DDX11: variants seen among roughly 807,000 people sequenced by gnomAD.
The protein encoded by DDX11 is DEAD/H-box helicase 11.
A neutral mutation model predicts 125.2 loss-of-function variants in DDX11; 72 were observed. The observed-to-expected ratio is 0.58, with a 90% CI of 0.48 to 0.70. The LOEUF is 0.70. Among genes scored for constraint, DDX11 ranks in the 30% least tolerant of loss-of-function variants. The pLI, the probability that DDX11 is intolerant of heterozygous loss-of-function variation, is 0.00. For missense variants in DDX11, 883 were observed against 1,165.0 expected (o/e 0.76, Z 3.52); for synonymous variants, 347 against 452.6 (o/e 0.77, Z 2.96).
intron 15 of DDX11, 120 bp from the exon 16 acceptor site, chr12:31,096,517 G>A (rs1945269564): frequency 9.4e-6 from 15 of 1,591,118 alleles, no homozygotes; most frequent in Non-Finnish European, 1.3e-5. Context: ...AGTGGGCCTT[G>A]CTGGGGTGGT....
At chr12:31,081,508 T>TCCGGGTGCCTTGGTGTGTGCTGTGCTGTG in intron 2 of DDX11, among the ~76,000 whole-genome samples, 1 of 151,888 alleles carries the variant, frequency 6.6e-6, no homozygotes, top group Non-Finnish European at 1.5e-5. Context: ...CCTTGTGTAA[T>TCCGGGTGCCTTGGTGTGTGCTGTGCTGTG]ACTGCAGTTC....
At chr12:31,096,609 C>T in intron 15 of DDX11, 28 bp from the exon 16 acceptor site, 1 of 1,611,754 alleles carries the variant, frequency 6.2e-7, no homozygotes, top group Non-Finnish European at 8.5e-7. Context: ...CCTCGTTCCT[C>T]TCCACTGCTC....
chr12:31,102,903 T>TCC, intron 23 of DDX11, 33 bp from the exon 24 acceptor site: 1 of 1,609,736 alleles, frequency 6.2e-7, no homozygotes. Context: ...GGTCCTGACG[T>TCC]CCACCTGCTG....
chr12:31,084,913 TG>T (rs1327841069), intron 4 of DDX11, 55 bp from the exon 5 acceptor site: 47 of 1,553,832 alleles, frequency 3.0e-5, no homozygotes, highest in Middle Eastern at 3.4e-4. Flanking sequence ...TGTGGGGAGG[TG>T]GGTACTGGTG....
intron 2 of DDX11, among the ~76,000 whole-genome samples, chr12:31,083,319 A>AAG (rs1942365643): frequency 6.8e-6 from 1 of 147,032 alleles, no homozygotes; most frequent in African/African-American, 2.5e-5. Flanking sequence ...GCTTAAAAAA[A>AAG]AAAAAACAAA....
chr12:31,087,281 C>T (rs1396140888), intron 5 of DDX11, among the ~76,000 whole-genome samples: 2 of 150,644 alleles, frequency 1.3e-5, no homozygotes, highest in Non-Finnish European at 1.5e-5. Context: ...AGGAGATGGT[C>T]ATGGGGTTCC....
In DDX11 at chr12:31,094,579, C is replaced by T. The variant is rs367562945; in HGVS notation, c.1370-11C>T. 184 of 1,574,686 alleles carry T rather than the reference C, an allele frequency of 1.2e-4. No homozygotes were observed. Among genetic ancestry groups the T allele is most frequent in the Non-Finnish European group, 1.5e-4 (174 of 1,162,064 alleles). ...ACCAGCATTGTGACCTATTTCCATT[C>T]TCTTTTTTAGGGAACATTAAGCAAA... On this transcript the variant is annotated splice_polypyrimidine_tract_variant and intron_variant, in intron 12 of 26. Transcript: ENST00000542838.
At chr12:31,086,330 G>A (rs1469227593) in intron 5 of DDX11, 30 of 378,032 alleles carry the variant, frequency 7.9e-5, no homozygotes, top group African/African-American at 4.8e-4. Context: ...CAGGAACCAC[G>A]TCTTTATAGT....
rs971637870 is a variant in DDX11 at position 31,102,575 on chromosome 12, C to G, written c.2372+48C>G. 6 of 1,560,356 alleles carry G rather than the reference C, an allele frequency of 3.8e-6. No homozygotes were observed. In the African/African-American group the frequency reaches 6.8e-5, roughly 18 times the overall value. ...TCCTGGGCCGTGATACATGGCCGGCCCTCACTCCCAGCAGCTGGGCCCCTG... is the reference window on the plus strand; with the variant it reads ...TCCTGGGCCGTGATACATGGCCGGCGCTCACTCCCAGCAGCTGGGCCCCTG... On this transcript the variant is annotated intron_variant, in intron 23 of 26. Transcript: ENST00000542838.
intron 5 of DDX11, among the ~76,000 whole-genome samples, chr12:31,085,665 G>A (rs1267566668): frequency 2.0e-5 from 3 of 152,202 alleles, no homozygotes; most frequent in South Asian, 2.1e-4. Flanking sequence ...AGGCCATTTC[G>A]GGCCCACAGG....
Position 31,102,475 on chromosome 12 carries a change from G to C in DDX11, c.2320G>C (p.Val774Leu), listed in dbSNP as rs780177039. The change falls in exon 23 of 27, where the codon GTG (valine) becomes CTG (leucine). Residue 774 changes from valine (V) to leucine (L), a missense_variant. Physicochemically the swap from Val to Leu is conservative, Grantham distance 32. Around this residue, in one of 5 missense-constraint regions of DDX11, gnomAD observed 285 missense variants for 346.0 expected, o/e 0.82. Transcript: ENST00000542838. ...GGTGACAGGGGCCCTGCTCCTCTCT[G>C]TGGTTGGAGGAAAGATGAGTGAAGG... Reference protein sequence around the residue: ...GQVTGALLLSVVGGKMSEGIN... With the variant: ...GQVTGALLLSLVGGKMSEGIN... 9.3e-6 allele frequency: 15 copies of C among 1,614,074 alleles called. No individual in the cohort carries two copies. The highest frequency in any genetic ancestry group is 4.5e-5 in the East Asian group (2 of 44,874).
At chr12:31,088,765 C>G (rs901318460) in intron 6 of DDX11, among the ~76,000 whole-genome samples, 1 of 152,162 alleles carries the variant, frequency 6.6e-6, no homozygotes, top group Non-Finnish European at 1.5e-5. Flanking sequence ...CAAAGATTGG[C>G]CAACCCCCCA....
intron 7 of DDX11, 80 bp downstream of exon 7, chr12:31,089,231 G>A (rs754155949): frequency 3.5e-6 from 5 of 1,422,026 alleles, no homozygotes; most frequent in Non-Finnish European, 4.0e-6. Context: ...CAGGCCTTGG[G>A]AGACGCTGGG....
chr12:31,097,406 G>A (rs111769094), intron 17 of DDX11, among the ~76,000 whole-genome samples: 6,733 of 149,422 alleles, frequency 0.045, 241 homozygotes, highest in East Asian at 0.15. Flanking sequence ...TAGGCCGGGC[G>A]CGGTGGCTCA....
At chr12:31,078,252 AC>A (rs746777307) in intron 1 of DDX11, 137 bp from the exon 2 acceptor site, 12 of 1,579,262 alleles carry the variant, frequency 7.6e-6, no homozygotes, top group Non-Finnish European at 1.0e-5. Context: ...GATGGAGAGA[AC>A]ATGGTCTCTG....
intron 15 of DDX11, 68 bp from the exon 16 acceptor site, chr12:31,096,569 G>A (rs1467827800): frequency 1.1e-5 from 17 of 1,592,172 alleles, no homozygotes; most frequent in Middle Eastern, 2.2e-4. Context: ...CAGAGCCTCC[G>A]ATCCACCCAG....
chr12:31,084,460 T>A (rs980905512), intron 3 of DDX11, 123 bp from the exon 4 acceptor site: 4 of 898,794 alleles, frequency 4.5e-6, no homozygotes, highest in Middle Eastern at 2.4e-4. Flanking sequence ...AGCCCTTGAG[T>A]GCTGGCCGGG....
chr12:31,081,413 A>C (rs1941904075), intron 2 of DDX11, among the ~76,000 whole-genome samples: 1 of 152,146 alleles, frequency 6.6e-6, no homozygotes, highest in Non-Finnish European at 1.5e-5. Flanking sequence ...GCTGCCCCAG[A>C]TGCTGTTTAT....
intron 18 of DDX11, among the ~76,000 whole-genome samples, chr12:31,099,278 G>A (rs945081422): frequency 4.0e-5 from 6 of 151,584 alleles, no homozygotes. Context: ...GTAGAGATGG[G>A]GTTTTACCAT....
Sources: allele counts gnomAD v4.1 joint callset (sites outside exome capture counted in the v4.1 genomes callset), GRCh38; gene constraint gnomAD v4.1.1; regional missense constraint gnomAD v4.1.1; transcripts MANE v1.5; gene names NCBI Gene and HGNC (gene_info 2026-07-23, HGNC 2026-07-21).